The following ARHGAP6 variants were observed in gnomAD, a reference collection of about 807,000 sequenced individuals.
ARHGAP6 encodes the protein rho GTPase-activating protein 6.
In ARHGAP6, 16 loss-of-function variants were observed where a neutral mutation model predicts 55.7. The observed-to-expected ratio is 0.29, with a 90% CI of 0.19 to 0.44. ARHGAP6 has a LOEUF of 0.44. Among genes scored for constraint, ARHGAP6 ranks in the 20% least tolerant of loss-of-function variants. The pLI is 1.00. For synonymous variants in ARHGAP6, 382 were observed against 360.9 expected (o/e 1.06, Z -0.66); for missense variants, 698 against 808.9 (o/e 0.86, Z 1.66).
At chrX:11,270,067 A>G (rs7062045) in intron 1 of ARHGAP6, among the ~76,000 whole-genome samples, 1,844 of 112,222 alleles carry the variant, frequency 0.016, 23 homozygotes, top group East Asian at 0.053. Context: ...GGAGGCAGGC[A>G]CTAGAATTAT....
intron 1 of ARHGAP6, among the ~76,000 whole-genome samples, chrX:11,656,505 T>G (rs2052639161): frequency 8.9e-6 from 1 of 112,239 alleles, no homozygotes; most frequent in Non-Finnish European, 1.9e-5. Context: ...CTCCTGAAGG[T>G]TCTAAGAATC....
intron 1 of ARHGAP6, among the ~76,000 whole-genome samples, chrX:11,280,081 G>A (rs890432696): frequency 9.0e-6 from 1 of 111,439 alleles, no homozygotes; most frequent in Non-Finnish European, 1.9e-5. Flanking sequence ...ATCCTACAGT[G>A]CACAGAACGG....
chrX:11,585,136 A>G (rs2051714751), intron 1 of ARHGAP6, among the ~76,000 whole-genome samples: 1 of 112,551 alleles, frequency 8.9e-6, no homozygotes, highest in African/African-American at 3.2e-5. Flanking sequence ...GCCACATAGT[A>G]TTCCATAGTG....
chrX:11,508,582 T>A (rs1422893706), intron 1 of ARHGAP6, among the ~76,000 whole-genome samples: 1 of 110,209 alleles, frequency 9.1e-6, no homozygotes, highest in Non-Finnish European at 1.9e-5. Context: ...GGCTGGGGTA[T>A]TCCTAGCCTG....
At chrX:11,265,683 T>C in intron 1 of ARHGAP6, 1 of 865,513 alleles carries the variant, frequency 1.2e-6, no homozygotes, top group Non-Finnish European at 1.4e-6. Context: ...TTATATTGCT[T>C]ACCCATAAAT....
intron 2 of ARHGAP6, among the ~76,000 whole-genome samples, chrX:11,215,302 G>A (rs1410436184): frequency 2.7e-5 from 3 of 112,778 alleles, no homozygotes; most frequent in Non-Finnish European, 5.6e-5. Flanking sequence ...CAGCTCTTCC[G>A]GCCACACGGG....
At chrX:11,446,604 C>T (rs964899520) in intron 1 of ARHGAP6, among the ~76,000 whole-genome samples, 1 of 111,090 alleles carries the variant, frequency 9.0e-6, no homozygotes, top group African/African-American at 3.3e-5. Flanking sequence ...GTCCTACCAA[C>T]GTGCACACAT....
intron 1 of ARHGAP6, among the ~76,000 whole-genome samples, chrX:11,455,547 G>A (rs1303055933): frequency 9.0e-6 from 1 of 111,700 alleles, no homozygotes; most frequent in Non-Finnish European, 1.9e-5. Context: ...CCTTGCAAAC[G>A]GGAAAAAATA....
intron 1 of ARHGAP6, among the ~76,000 whole-genome samples, chrX:11,532,675 T>C (rs993029972): frequency 1.5e-5 from 1 of 68,891 alleles, no homozygotes; most frequent in African/African-American, 5.6e-5. Flanking sequence ...ATGAAAAACC[T>C]ATCAAATTCC....
intron 1 of ARHGAP6, chrX:11,294,831 T>G: frequency 4.1e-6 from 5 of 1,211,579 alleles, no homozygotes; most frequent in Non-Finnish European, 5.6e-6. Context: ...GGGAGCAGCT[T>G]TTGCCATGCC....
intron 1 of ARHGAP6, among the ~76,000 whole-genome samples, chrX:11,273,947 A>T (rs371449522): frequency 2.7e-5 from 3 of 111,742 alleles, no homozygotes; most frequent in Non-Finnish European, 5.7e-5. Flanking sequence ...AGGTTTATTA[A>T]TATGCCCATT....
chrX:11,512,379 C>G (rs1005228745), intron 1 of ARHGAP6, among the ~76,000 whole-genome samples: 2 of 111,615 alleles, frequency 1.8e-5, no homozygotes, highest in African/African-American at 6.5e-5. Flanking sequence ...AGTGTTCTCT[C>G]TTTCCACACT....
chrX:11,550,881 T>C (rs1265625258), intron 1 of ARHGAP6, among the ~76,000 whole-genome samples: 1 of 111,910 alleles, frequency 8.9e-6, no homozygotes, highest in African/African-American at 3.2e-5. Flanking sequence ...TGTGTGCTGG[T>C]GAGTGGACTC....
intron 2 of ARHGAP6, among the ~76,000 whole-genome samples, chrX:11,237,944 G>A (rs1029490448): frequency 3.6e-5 from 4 of 111,463 alleles, no homozygotes; most frequent in African/African-American, 1.3e-4. Context: ...ATGTTTAGCA[G>A]CATTCCCTGG....
At chrX:11,582,148 G>A (rs1490890457) in intron 1 of ARHGAP6, among the ~76,000 whole-genome samples, 1 of 110,954 alleles carries the variant, frequency 9.0e-6, no homozygotes, top group Non-Finnish European at 1.9e-5. Flanking sequence ...TTTTACAAAT[G>A]AGGAAACTGG....
intron 1 of ARHGAP6, among the ~76,000 whole-genome samples, chrX:11,464,975 G>A (rs982819679): frequency 9.9e-5 from 11 of 111,502 alleles, no homozygotes; most frequent in East Asian, 5.6e-4. Context: ...CATCCCTCAC[G>A]GTTCATCTGT....
chrX:11,654,018 C>G (rs1433188819), intron 1 of ARHGAP6, among the ~76,000 whole-genome samples: 1 of 111,930 alleles, frequency 8.9e-6, no homozygotes, highest in Non-Finnish European at 1.9e-5. Flanking sequence ...AATAAGTGAA[C>G]AAGAAATCAC....
intron 3 of ARHGAP6, among the ~76,000 whole-genome samples, chrX:11,194,136 C>T (rs1174571823): frequency 8.9e-6 from 1 of 112,513 alleles, no homozygotes; most frequent in African/African-American, 3.2e-5. Flanking sequence ...TAAAAGTGCT[C>T]TACTGCAGGA....
Position 11,179,471 on chromosome X carries a change from G to C in ARHGAP6, c.1330-19C>G, listed in dbSNP as rs371983081. The C allele has an allele frequency of 3.3e-6, 4 of 1,200,460 alleles. No individual in the cohort carries two copies. The highest frequency in any genetic ancestry group is 4.5e-6 in the Non-Finnish European group (4 of 890,690). On this transcript the variant is annotated intron_variant, in intron 6 of 12. Transcript: ENST00000337414. ...CACGTAACTGGAAGAACAATGGTTC[G>C]AGTGGCAGTCACATAACACCATACC...
Sources: gnomAD v4.1 joint callset for allele counts (sites outside exome capture counted in the v4.1 genomes callset) on GRCh38, gnomAD v4.1.1 for gene constraint, MANE v1.5 for transcripts, NCBI Gene and HGNC (gene_info 2026-07-23, HGNC 2026-07-21) for gene names.